Variants in MYH1 observed in about 807,000 individuals in gnomAD.
MYH1 encodes the protein myosin-1.
A neutral mutation model predicts 225.6 loss-of-function variants in MYH1; 214 were observed. That is an observed-to-expected ratio of 0.95 (90% CI 0.85 to 1.06). The LOEUF (loss-of-function observed/expected upper bound fraction) is 1.06, where lower values mean the gene tolerates loss of function less well. Ranked by LOEUF, MYH1 falls within the 50% of genes least tolerant of loss-of-function variation. The pLI is 0.00. For synonymous variants in MYH1, 774 were observed against 842.3 expected (o/e 0.92, Z 1.40); for missense variants, 2,098 against 2,344.2 (o/e 0.89, Z 2.17).
In MYH1 at chr17:10,498,700, G is replaced by T; in HGVS notation, c.4107C>A (p.Asn1369Lys). ...AELQRAMSKA[N>K]SEVAQWRTKY... ...TGGTCCTCCACTGGGCAACCTCACT[G>T]TTGGCCTTGGACATTGCTCTCTGTA... The change falls in exon 30 of 40, where the codon AAC becomes AAA. Residue 1369 changes from asparagine (N) to lysine (K), a missense_variant. Transcript: ENST00000226207. 6.2e-7 allele frequency: 1 copy of T among 1,614,036 alleles called. No individual in the cohort carries two copies. The highest frequency in any genetic ancestry group is 8.5e-7 in the Non-Finnish European group (1 of 1,179,906).
chr17:10,506,035 A>T lies in MYH1; in HGVS notation c.2033T>A (p.Ile678Asn). The T allele has an allele frequency of 6.2e-7, 1 of 1,614,182 alleles. No individual in the cohort carries two copies. The highest frequency in any genetic ancestry group is 8.5e-7 in the Non-Finnish European group (1 of 1,180,016). ...ACCAGGAGTTTTAGTTTCATTGGGG[A>T]TGATGCACCGCACAAAGTGGGGGTG... ...STHPHFVRCI[I>N]PNETKTPGAM... The change falls in exon 18 of 40, where the codon ATC becomes AAC. Residue 678 changes from isoleucine (I) to asparagine (N), a missense_variant. Transcript: ENST00000226207.
chr17:10,497,675 A>T, intron 31 of MYH1, 59 bp downstream of exon 31: 1 of 1,599,368 alleles, frequency 6.3e-7, no homozygotes, highest in Non-Finnish European at 8.6e-7. Flanking sequence ...GGCACACTGA[A>T]GGTAGCAGGC....
chr17:10,506,816 A>G (rs1298345883), intron 17 of MYH1, among the ~76,000 whole-genome samples: 1 of 151,886 alleles, frequency 6.6e-6, no homozygotes. Flanking sequence ...TCTTTACCTG[A>G]CTTTCACTTG....
intron 19 of MYH1, 82 bp downstream of exon 19, chr17:10,505,730 A>G: frequency 6.5e-7 from 1 of 1,542,774 alleles, no homozygotes; most frequent in Non-Finnish European, 8.9e-7. Context: ...TTTTAAGAGG[A>G]GGTATAAAGG....
rs773337223 is a variant in MYH1 at position 10,509,674 on chromosome 17, C to G, written c.1417-19G>C. On this transcript the variant is annotated intron_variant, in intron 14 of 39. Coordinates refer to ENST00000226207, the MANE Select transcript of MYH1 (RefSeq NM_005963.4). ...TGTTGAACTAAATGAGTTGAAAATA[C>G]AAATTAGCATTCAATTTATAATGAA... 6.2e-7 allele frequency: 1 copy of G among 1,614,178 alleles called. No individual in the cohort carries two copies. Among genetic ancestry groups the G allele is most frequent in the Non-Finnish European group, 8.5e-7 (1 of 1,180,026 alleles).
chr17:10,505,223 G>A lies in MYH1; in HGVS notation c.2375C>T (p.Thr792Ile). Residue 792 changes from threonine (T) to isoleucine (I), a missense_variant, in exon 21 of 40, where the codon ACC becomes ATC. Transcript: ENST00000226207. ...DEKLAQLITR[T>I]QAMCRGFLAR... ...CAAGAACCCTCTGCACATGGCCTGGGTTCGGGTAATCAGCTGGGCCAGCTT... is the reference window on the plus strand; with the variant it reads ...CAAGAACCCTCTGCACATGGCCTGGATTCGGGTAATCAGCTGGGCCAGCTT... The A allele has an allele frequency of 1.9e-6, 3 of 1,614,184 alleles. No individual in the cohort carries two copies. The highest frequency in any genetic ancestry group is 2.5e-6 in the Non-Finnish European group (3 of 1,180,026).
intron 5 of MYH1, among the ~76,000 whole-genome samples, 194 bp from the exon 6 acceptor site, chr17:10,515,089 G>A (rs1466529697): frequency 1.3e-5 from 2 of 152,182 alleles, no homozygotes; most frequent in African/African-American, 4.8e-5. Context: ...ACATTCCGTA[G>A]TTGTCATCTG....
intron 9 of MYH1, 97 bp downstream of exon 9, chr17:10,513,516 GGCAGCAGACTGGT>G: frequency 6.7e-6 from 7 of 1,052,464 alleles, no homozygotes; most frequent in Non-Finnish European, 8.8e-6. Flanking sequence ...AAGCATGTTT[GGCAGCAGACTGGT>G]GCTTTACAAG....
chr17:10,507,865 C>T, intron 17 of MYH1, 21 bp downstream of exon 17: 4 of 1,597,770 alleles, frequency 2.5e-6, no homozygotes, highest in Non-Finnish European at 3.4e-6. Context: ...TCTAATTAGA[C>T]AGAGAAAATG....
chr17:10,501,725 G>A (rs753433632), intron 25 of MYH1, 41 bp from the exon 26 acceptor site: 4 of 1,613,836 alleles, frequency 2.5e-6, no homozygotes, highest in African/African-American at 1.3e-5. Context: ...GAAATATTAA[G>A]AGTAATTTCC....
chr17:10,506,288 A>G (rs547117414), intron 17 of MYH1, among the ~76,000 whole-genome samples, 189 bp from the exon 18 acceptor site: 24 of 152,134 alleles, frequency 1.6e-4, no homozygotes, highest in Non-Finnish European at 3.4e-4. Flanking sequence ...GTTGGTGTGC[A>G]TTAGAAGCAT....
In MYH1 at chr17:10,495,978, C is replaced by T. The variant is rs1423112722; in HGVS notation, c.5141G>A (p.Ser1714Asn). 1.9e-6 allele frequency: 3 copies of T among 1,614,084 alleles called. No individual in the cohort carries two copies. The highest frequency in any genetic ancestry group is 2.5e-6 in the Non-Finnish European group (3 of 1,180,030). ...KIAEQELLDA[S>N]ERVQLLHTQN... ...GGTGTGCAGGAGCTGAACACGCTCA[C>T]TGGCATCCAGGAGCTCCTGTTCTGC... The change falls in exon 35 of 40, where the codon AGT becomes AAT. Residue 1714 changes from serine to asparagine, a missense_variant. By Grantham distance (46) the Ser-to-Asn change is conservative (BLOSUM62 1). Transcript: ENST00000226207.
At chr17:10,498,921 G>T in intron 29 of MYH1, 53 bp downstream of exon 29, 1 of 1,602,674 alleles carries the variant, frequency 6.2e-7, no homozygotes, top group Non-Finnish European at 8.5e-7. Context: ...GTAAAAGTAA[G>T]CGAAAAACAA....
In MYH1 at chr17:10,505,908, A is replaced by T; in HGVS notation, c.2078T>A (p.Val693Asp). 1 of 1,614,192 alleles carries T rather than the reference A, an allele frequency of 6.2e-7. No homozygotes were observed. The highest frequency in any genetic ancestry group is 8.5e-7 in the Non-Finnish European group (1 of 1,180,020). The stretch of plus-strand genomic sequence containing the variant: ...ACCGTTACACCTCAGCTGATGCAGG[A>T]CAAGCTCATGCTCCATGGCACCTAA... ...KTPGAMEHEL[V>D]LHQLRCNGVL... Residue 693 changes from valine to aspartate, a missense_variant, in exon 19 of 40, where the codon GTC becomes GAC. Coordinates refer to ENST00000226207, the MANE Select transcript of MYH1 (RefSeq NM_005963.4).
chr17:10,512,892 C>T lies in MYH1; in HGVS notation c.879G>A (p.Met293Ile). 6.2e-7 allele frequency: 1 copy of T among 1,613,198 alleles called. No homozygotes were observed. Among genetic ancestry groups the T allele is most frequent in the Non-Finnish European group, 8.5e-7 (1 of 1,179,208 alleles). Residue 293 changes from methionine to isoleucine, a missense_variant, in exon 10 of 40, where the codon ATG becomes ATA. Coordinates refer to ENST00000226207, the MANE Select transcript of MYH1 (RefSeq NM_005963.4). ...ERSYHIFYQI[M>I]SNKKPDLIEM... ...CAATTAGATCTGGCTTCTTGTTAGACATGATCTGATAAAAAATATGATAGC... is the reference window on the plus strand; with the variant it reads ...CAATTAGATCTGGCTTCTTGTTAGATATGATCTGATAAAAAATATGATAGC...
chr17:10,498,980 C>T lies in MYH1; in HGVS notation c.3978G>A (p.Glu1326=). Reference sequence around the variant, plus strand: ...AATGACAAGTGGAGCTTACCTTTATCTCCTCTTCAAGTTGCCTTTTCAGTT... The same window carrying T: ...AATGACAAGTGGAGCTTACCTTTATTTCCTCTTCAAGTTGCCTTTTCAGTT... ...IEELKRQLEE[E]IKAKSALAHA... Residue 1326 remains glutamate, a synonymous_variant, in exon 29 of 40, where the codon GAG becomes GAA. Coordinates refer to ENST00000226207, the MANE Select transcript of MYH1 (RefSeq NM_005963.4). The T allele has an allele frequency of 6.2e-7, 1 of 1,611,626 alleles. No individual in the cohort carries two copies. Among genetic ancestry groups the T allele is most frequent in the Non-Finnish European group, 8.5e-7 (1 of 1,177,908 alleles).
At position 10,505,036 on chromosome 17, in the gene MYH1, A is replaced by G. The variant is rs775806131; in HGVS notation, c.2465T>C (p.Val822Ala). 1.9e-6 allele frequency: 3 copies of G among 1,614,208 alleles called. No homozygotes were observed. The highest frequency in any genetic ancestry group is 2.2e-5 in the South Asian group (2 of 91,082). Residue 822 changes from valine to alanine, a missense_variant, in exon 22 of 40, where the codon GTC becomes GCC. Physicochemically the swap from Val to Ala is moderately conservative, Grantham distance 64. Coordinates refer to ENST00000226207, the MANE Select transcript of MYH1 (RefSeq NM_005963.4). ...GTGCTTCACATTCATGAAGGCACGGACATTGTACTGGATGCAGAAGATGGA... is the reference window on the plus strand; with the variant it reads ...GTGCTTCACATTCATGAAGGCACGGGCATTGTACTGGATGCAGAAGATGGA... The part of the protein sequence containing the change: ...RESIFCIQYN[V>A]RAFMNVKHWP...
chr17:10,508,316 G>A, intron 16 of MYH1, 47 bp downstream of exon 16: 1 of 1,534,510 alleles, frequency 6.5e-7, no homozygotes, highest in Non-Finnish European at 8.8e-7. Flanking sequence ...CTGGCCTCTA[G>A]TTATGTTTTA....
intron 15 of MYH1, among the ~76,000 whole-genome samples, chr17:10,508,935 C>T (rs2073145100): frequency 6.6e-6 from 1 of 152,146 alleles, no homozygotes; most frequent in South Asian, 2.1e-4. Flanking sequence ...TGTCTTTACC[C>T]CAAAGACCTG....
Sources: allele counts gnomAD v4.1 joint callset (sites outside exome capture counted in the v4.1 genomes callset), GRCh38; gene constraint gnomAD v4.1.1; transcripts MANE v1.5; gene names NCBI Gene and HGNC (gene_info 2026-07-23, HGNC 2026-07-21).